Variants in COL11A1 observed in about 807,000 individuals in gnomAD.
The protein encoded by COL11A1 is collagen type XI alpha 1 chain.
COL11A1 carries 74 observed loss-of-function variants against 265.2 expected under a neutral mutation model. That is an observed-to-expected ratio of 0.28 (90% CI 0.23 to 0.34). The LOEUF (loss-of-function observed/expected upper bound fraction) is 0.34. COL11A1 is among the 10% of genes least tolerant of loss of function. The pLI is 1.00. For missense variants in COL11A1, 2,165 were observed against 2,263.6 expected (o/e 0.96, Z 0.88); for synonymous variants, 816 against 727.6 (o/e 1.12, Z -1.96).
intron 37 of COL11A1, among the ~76,000 whole-genome samples, chr1:102,969,938 A>G (rs1661796183): frequency 6.6e-6 from 1 of 152,258 alleles, no homozygotes; most frequent in Non-Finnish European, 1.5e-5. Flanking sequence ...GGAGATGTCC[A>G]AAAAATAATG....
chr1:103,038,214 G>A (rs539113934), intron 4 of COL11A1, among the ~76,000 whole-genome samples: 28 of 152,266 alleles, frequency 1.8e-4, no homozygotes, highest in African/African-American at 5.1e-4. Flanking sequence ...AGTAATACTA[G>A]CACTTCGGGA....
intron 30 of COL11A1, among the ~76,000 whole-genome samples, chr1:102,986,674 T>C (rs1412304487): frequency 1.3e-5 from 2 of 152,184 alleles, no homozygotes; most frequent in African/African-American, 4.8e-5. Context: ...GTATATAATG[T>C]AATAACACTT....
intron 1 of COL11A1, among the ~76,000 whole-genome samples, chr1:103,084,120 A>C (rs376402837): frequency 3.9e-5 from 6 of 152,268 alleles, no homozygotes; most frequent in African/African-American, 1.2e-4. Flanking sequence ...TTGCCATTTT[A>C]GATTTTTTAA....
intron 10 of COL11A1, among the ~76,000 whole-genome samples, chr1:103,018,154 C>T (rs1455081721): frequency 6.6e-6 from 1 of 152,060 alleles, no homozygotes; most frequent in African/African-American, 2.4e-5. Context: ...TATTTGGTCC[C>T]AGTTCTAACT....
chr1:102,899,028 C>A, intron 54 of COL11A1, 34 bp from the exon 55 acceptor site: 1 of 1,290,022 alleles, frequency 7.8e-7, no homozygotes, highest in Non-Finnish European at 1.1e-6. Context: ...AAATATGTAT[C>A]ACATATAAAA....
chr1:102,971,658 G>T (rs568525311), intron 36 of COL11A1, among the ~76,000 whole-genome samples: 1 of 152,046 alleles, frequency 6.6e-6, no homozygotes, highest in East Asian at 1.9e-4. Flanking sequence ...AACTGAGGGA[G>T]ACTTTTTCCA....
chr1:103,027,455 C>T lies in COL11A1; in HGVS notation c.781-1123G>A, dbSNP rs906906305. On this transcript the variant is annotated intron_variant, in intron 5 of 66. Coordinates refer to ENST00000370096, the MANE Select transcript of COL11A1 (RefSeq NM_001854.4). ...TATATATATATATATGCATGCATGC[C>T]GGGGCAATTTATATATAATTGCCTA... Among the ~76,000 whole-genome samples the T allele has an allele frequency of 3.3e-4, 39 of 116,982 alleles. 1 individual carries two copies. Among genetic ancestry groups the T allele is most frequent in the African/African-American group, 9.3e-4 (29 of 31,178 alleles). 76.7% of individuals were successfully genotyped at this position (116,982 alleles called of 152,430 possible).
At chr1:103,034,766 T>G in intron 4 of COL11A1, among the ~76,000 whole-genome samples, 1 of 151,512 alleles carries the variant, frequency 6.6e-6, no homozygotes, top group East Asian at 1.9e-4. Context: ...TTTTTTTTTG[T>G]TGTCTCATGA....
Position 103,008,025 on chromosome 1 carries a change from C to T in COL11A1, c.1683+438G>A, listed in dbSNP as rs542998118. Among the ~76,000 whole-genome samples, 16 of 152,064 alleles carry T rather than the reference C, an allele frequency of 1.1e-4. 1 individual carries two copies. The South Asian group carries it at 3.3e-3, about 32-fold the overall frequency. On this transcript the variant is annotated intron_variant, in intron 15 of 66. Transcript: ENST00000370096. ...ATGAAAATAATCCTTCCTTTGATAA[C>T]ACATTTCTCTTTTTGGATTAAAGGA... is the stretch of plus-strand genomic sequence containing the variant.
At chr1:103,028,276 C>G (rs953507077) in intron 5 of COL11A1, among the ~76,000 whole-genome samples, 3 of 152,010 alleles carry the variant, frequency 2.0e-5, no homozygotes, top group Non-Finnish European at 4.4e-5. Context: ...TCAGGTGATC[C>G]GCCCGCTTCG....
At chr1:103,041,632 A>G (rs1668815372) in intron 4 of COL11A1, among the ~76,000 whole-genome samples, 1 of 151,948 alleles carries the variant, frequency 6.6e-6, no homozygotes, top group African/African-American at 2.4e-5. Flanking sequence ...TTTATAAAGT[A>G]TGTAATTCGG....
At chr1:103,009,438 C>T (rs1311408843) in intron 14 of COL11A1, among the ~76,000 whole-genome samples, 1 of 151,838 alleles carries the variant, frequency 6.6e-6, no homozygotes, top group African/African-American at 2.4e-5. Flanking sequence ...ATAAAAATAA[C>T]TAAAATGTAA....
chr1:103,045,700 A>G lies in COL11A1; in HGVS notation c.652-14456T>C, dbSNP rs1192052066. ...TGTTACGTATGTAGACGTGTGCCATATTGGTGTGCTGCACCCACTAACTCC... is the reference window on the plus strand; with the variant it reads ...TGTTACGTATGTAGACGTGTGCCATGTTGGTGTGCTGCACCCACTAACTCC... On this transcript the variant is annotated intron_variant, in intron 4 of 66. Coordinates refer to ENST00000370096, the MANE Select transcript of COL11A1 (RefSeq NM_001854.4). Among the ~76,000 whole-genome samples the G allele has an allele frequency of 2.0e-5, 3 of 151,938 alleles. No individual in the cohort carries two copies. The East Asian group carries it at 5.8e-4, about 29-fold the overall frequency.
chr1:102,975,996 T>A (rs1427054578), intron 35 of COL11A1, among the ~76,000 whole-genome samples: 1 of 152,082 alleles, frequency 6.6e-6, no homozygotes, highest in Non-Finnish European at 1.5e-5. Flanking sequence ...CCAAAACTAC[T>A]GGGCAAATCT....
At position 102,997,184 on chromosome 1, in the gene COL11A1, C is replaced by T. The variant is rs79882909; in HGVS notation, c.2197-60G>A. 2.0e-4 allele frequency: 266 copies of T among 1,357,920 alleles called. 1 individual carries two copies. The highest frequency in any genetic ancestry group is 4.2e-4 in the Admixed American group (25 of 59,272). 84.1% of individuals were successfully genotyped at this position (1,357,920 alleles called of 1,614,324 possible). A position where few individuals can be genotyped will look rare whatever the true frequency, so the allele number is the denominator to read the frequency against. ...AATATAAACATAGTTGATAATACTA[C>T]GAAAGTATTTCTTTTGTTATTAAAT... On this transcript the variant is annotated intron_variant, in intron 25 of 66. Transcript: ENST00000370096.
Position 102,996,087 on chromosome 1 carries a change from T to G in COL11A1, c.2242-45A>C, listed in dbSNP as rs745584861. ...ACTTATACGTGTAATAAATTGAAAG[T>G]GCTACTCATTTACATACTATAATTT... On this transcript the variant is annotated intron_variant, in intron 26 of 66. Transcript: ENST00000370096. 4 of 1,578,110 alleles carry G rather than the reference T, an allele frequency of 2.5e-6. No homozygotes were observed. The Admixed American group carries it at 5.0e-5, about 20-fold the overall frequency.
chr1:102,998,448 A>G, intron 24 of COL11A1, 85 bp from the exon 25 acceptor site: 1 of 908,574 alleles, frequency 1.1e-6, no homozygotes, highest in Non-Finnish European at 1.6e-6. Context: ...TGAAATTCTT[A>G]TCCTGAGTCA....
At chr1:102,935,021 G>T (rs1341162094) in intron 45 of COL11A1, 39 bp downstream of exon 45, 2 of 1,599,898 alleles carry the variant, frequency 1.3e-6, no homozygotes, top group South Asian at 2.2e-5. Flanking sequence ...TCAGGGAGCT[G>T]TAAGGATTTA....
intron 1 of COL11A1, chr1:103,100,701 G>A (rs372081383): frequency 1.3e-5 from 2 of 151,962 alleles, no homozygotes; most frequent in Non-Finnish European, 2.9e-5. Flanking sequence ...AAGCCTAGGA[G>A]GCTGTATAGA....
Sources: gnomAD v4.1 joint callset for allele counts (sites outside exome capture counted in the v4.1 genomes callset) on GRCh38, gnomAD v4.1.1 for gene constraint, MANE v1.5 for transcripts, NCBI Gene and HGNC (gene_info 2026-07-23, HGNC 2026-07-21) for gene names.